The following PTPRG variants were observed in gnomAD, a reference collection of about 807,000 sequenced individuals.
PTPRG encodes the protein protein tyrosine phosphatase receptor type G.
Under a neutral mutation model 165.3 loss-of-function variants are expected in PTPRG, and 102 were observed. The observed-to-expected ratio is 0.62, with a 90% CI of 0.53 to 0.73. The LOEUF (loss-of-function observed/expected upper bound fraction) is 0.73, where lower values mean the gene tolerates loss of function less well. Among genes scored for constraint, PTPRG ranks in the 30% least tolerant of loss-of-function variants. The pLI, the probability that PTPRG is intolerant of heterozygous loss-of-function variation, is 0.00. For synonymous variants in PTPRG, 675 were observed against 669.5 expected, an observed-to-expected ratio of 1.01 and a Z score of -0.13; for missense variants, 1,866 against 1,861.4, an observed-to-expected ratio of 1.00 and a Z score of -0.05.
At chr3:62,212,508 A>C (rs1700383638) in intron 12 of PTPRG, among the ~76,000 whole-genome samples, 2 of 152,160 alleles carry the variant, frequency 1.3e-5, no homozygotes, top group Non-Finnish European at 2.9e-5. Context: ...CATGATTTTT[A>C]CTTTCGTTTT....
At chr3:61,783,967 T>C (rs1173197643) in intron 2 of PTPRG, among the ~76,000 whole-genome samples, 1 of 152,198 alleles carries the variant, frequency 6.6e-6, no homozygotes, top group Non-Finnish European at 1.5e-5. Flanking sequence ...CATTTGAACC[T>C]GAGCATGGGA....
intron 2 of PTPRG, among the ~76,000 whole-genome samples, chr3:61,838,887 A>AT (rs1454055936): frequency 3.3e-5 from 5 of 152,194 alleles, no homozygotes; most frequent in African/African-American, 4.8e-5. Flanking sequence ...GAGAGTTTGC[A>AT]TTTTAAAAGG....
At chr3:62,109,672 C>T (rs986256011) in intron 5 of PTPRG, among the ~76,000 whole-genome samples, 1 of 152,138 alleles carries the variant, frequency 6.6e-6, no homozygotes, top group Non-Finnish European at 1.5e-5. Flanking sequence ...CCCTCCTGCT[C>T]TCTTTGTTGC....
intron 4 of PTPRG, among the ~76,000 whole-genome samples, chr3:62,013,711 T>C (rs1203778365): frequency 6.6e-6 from 1 of 152,254 alleles, no homozygotes; most frequent in East Asian, 1.9e-4. Flanking sequence ...AAAATACACA[T>C]ATAGTAGTTC....
chr3:61,562,188 C>A lies in PTPRG; in HGVS notation c.-100C>A. ...CGGGGGGCCCGTGGAGCGGGCGAGC[C>A]GGGGAAGCGCCCCGGCTTAGCGGAG... On this transcript the variant is annotated 5_prime_UTR_variant, in exon 1 of 30. Coordinates refer to ENST00000474889, the MANE Select transcript of PTPRG (RefSeq NM_002841.4). 2 of 1,136,720 alleles carry A rather than the reference C, an allele frequency of 1.8e-6. No homozygotes were observed. The highest frequency in any genetic ancestry group is 2.6e-6 in the Non-Finnish European group (2 of 761,442). 70.4% of individuals were successfully genotyped at this position (1,136,720 alleles called of 1,614,324 possible).
chr3:61,871,887 T>G (rs2037595779), intron 2 of PTPRG, among the ~76,000 whole-genome samples: 1 of 152,180 alleles, frequency 6.6e-6, no homozygotes, highest in African/African-American at 2.4e-5. Flanking sequence ...ATTTAACATT[T>G]AAGGCCGTAG....
chr3:62,103,169 T>G (rs1702351071), intron 5 of PTPRG, among the ~76,000 whole-genome samples: 1 of 150,684 alleles, frequency 6.6e-6, no homozygotes, highest in African/African-American at 2.5e-5. Flanking sequence ...ATTTTGTGTT[T>G]CCAGCTATTG....
chr3:61,688,882 A>G (rs191545977), intron 1 of PTPRG, among the ~76,000 whole-genome samples: 21 of 152,280 alleles, frequency 1.4e-4, no homozygotes, highest in Non-Finnish European at 2.4e-4. Context: ...CTGACTTGCC[A>G]TATTCTTGAA....
intron 1 of PTPRG, among the ~76,000 whole-genome samples, chr3:61,676,785 G>T (rs911200924): frequency 2.0e-5 from 3 of 152,162 alleles, no homozygotes; most frequent in African/African-American, 7.2e-5. Flanking sequence ...ATCAGGGATA[G>T]TTGGAGCCAG....
chr3:62,205,451 T>C (rs1283585706), intron 12 of PTPRG, among the ~76,000 whole-genome samples: 1 of 152,210 alleles, frequency 6.6e-6, no homozygotes, highest in East Asian at 1.9e-4. Flanking sequence ...GTTTGCATTC[T>C]GGTAGGGGAG....
At position 62,157,352 on chromosome 3, in the gene PTPRG, G is replaced by A. The variant is rs1704577044; in HGVS notation, c.840+128G>A. 3 of 960,378 alleles carry A rather than the reference G, an allele frequency of 3.1e-6. No homozygotes were observed. In the East Asian group the frequency reaches 8.0e-5, roughly 26 times the overall value. The allele number at this position is 960,378 out of a possible 1,614,324, so 59.5% of individuals were successfully genotyped here. ...CCTGTGCATATCATTGATTCCTGCAGTCTTTCCCACAAACATGTTTTTGAA... is the reference window on the plus strand; with the variant it reads ...CCTGTGCATATCATTGATTCCTGCAATCTTTCCCACAAACATGTTTTTGAA... On this transcript the variant is annotated intron_variant, in intron 7 of 29. Transcript: ENST00000474889.
intron 1 of PTPRG, among the ~76,000 whole-genome samples, chr3:61,655,176 G>C (rs1012940716): frequency 6.6e-6 from 1 of 152,132 alleles, no homozygotes; most frequent in Non-Finnish European, 1.5e-5. Context: ...GAGTCGCCGA[G>C]TCCCCTGCCA....
At chr3:61,578,940 T>C (rs1700223627) in intron 1 of PTPRG, among the ~76,000 whole-genome samples, 1 of 152,212 alleles carries the variant, frequency 6.6e-6, no homozygotes, top group East Asian at 1.9e-4. Context: ...TAAGTTCTTT[T>C]ACGAGGGATA....
At chr3:62,097,800 T>A (rs934565539) in intron 5 of PTPRG, among the ~76,000 whole-genome samples, 5 of 152,194 alleles carry the variant, frequency 3.3e-5, no homozygotes, top group Non-Finnish European at 7.4e-5. Flanking sequence ...AATATTTTAG[T>A]GGGGCAACAA....
chr3:61,802,621 T>C (rs2035283500), intron 2 of PTPRG, among the ~76,000 whole-genome samples: 2 of 152,252 alleles, frequency 1.3e-5, no homozygotes, highest in African/African-American at 4.8e-5. Context: ...TTGTTAATTA[T>C]GTCCATTCTT....
chr3:62,063,715 C>G (rs11719421), intron 4 of PTPRG, among the ~76,000 whole-genome samples: 1 of 152,076 alleles, frequency 6.6e-6, no homozygotes, highest in African/African-American at 2.4e-5. Flanking sequence ...GTTGCCCAGG[C>G]TAGTCTTGAA....
chr3:62,050,012 G>A (rs1700420631), intron 4 of PTPRG, among the ~76,000 whole-genome samples: 1 of 152,216 alleles, frequency 6.6e-6, no homozygotes, highest in Admixed American at 6.5e-5. Flanking sequence ...GGAAAATCAA[G>A]CTTGTTGAAT....
rs564761041 is a variant in PTPRG, at chr3:62,166,197, C to CTTTTTT, written c.841-1743_841-1738dup. Among the ~76,000 whole-genome samples, 83 of 53,926 alleles carry CTTTTTT rather than the reference C, an allele frequency of 1.5e-3. 26 individuals are homozygous for CTTTTTT. The highest frequency in any genetic ancestry group is 2.1e-3 in the Non-Finnish European group (62 of 29,506). The allele number at this position is 53,926 out of a possible 152,430, so 35.4% of individuals were successfully genotyped here. On this transcript the variant is annotated intron_variant, in intron 7 of 29. Coordinates refer to ENST00000474889, the MANE Select transcript of PTPRG (RefSeq NM_002841.4). ...TGGCTGCATATTTCAAATTACAGTT[C>CTTTTTT]TTTTTTTTTTTTTTTTTTTTTTTTT...
intron 1 of PTPRG, among the ~76,000 whole-genome samples, chr3:61,673,115 C>G (rs1415828117): frequency 6.6e-6 from 1 of 152,036 alleles, no homozygotes; most frequent in African/African-American, 2.4e-5. Context: ...AAGTGGCGAT[C>G]GTGGCACCTG....
Sources: allele counts gnomAD v4.1 joint callset (sites outside exome capture counted in the v4.1 genomes callset), GRCh38; gene constraint gnomAD v4.1.1; transcripts MANE v1.5; gene names NCBI Gene and HGNC (gene_info 2026-07-23, HGNC 2026-07-21).